Variants in CORO7 observed in about 807,000 individuals in gnomAD.
CORO7 encodes coronin-7.
A neutral mutation model predicts 126.6 loss-of-function variants in CORO7; 107 were observed. The observed-to-expected ratio is 0.85, with a 90% CI of 0.72 to 0.99. The LOEUF is 0.99. Ranked by LOEUF, CORO7 falls within the 50% of genes least tolerant of loss-of-function variation. The pLI is 0.00. For missense variants in CORO7, 1,314 were observed against 1,255.8 expected, an observed-to-expected ratio of 1.05 and a Z score of -0.70; for synonymous variants, 603 against 536.8, an observed-to-expected ratio of 1.12 and a Z score of -1.70.
At chr16:4,410,393 C>G (rs997889479) in intron 3 of CORO7, among the ~76,000 whole-genome samples, 2 of 152,150 alleles carry the variant, frequency 1.3e-5, no homozygotes, top group African/African-American at 4.8e-5. Flanking sequence ...CCACCACACT[C>G]CAGCCTGGAT....
intron 9 of CORO7, among the ~76,000 whole-genome samples, chr16:4,380,218 G>T (rs2054903962): frequency 6.6e-6 from 1 of 152,132 alleles, no homozygotes; most frequent in African/African-American, 2.4e-5. Context: ...CTCCCTCACA[G>T]GGGACACCTG....
chr16:4,381,887 G>A lies in CORO7; in HGVS notation c.785+6099C>T, dbSNP rs752532211. On this transcript the variant is annotated intron_variant, in intron 9 of 27. Transcript: ENST00000251166. The stretch of plus-strand genomic sequence containing the variant: ...CACTTCCCGCCCAAGAACGCTGGCC[G>A]GCTGCTCCTGGAGCTTGACTACGCC... 1.7e-5 allele frequency: 27 copies of A among 1,604,878 alleles called. No homozygotes were observed. The highest frequency in any genetic ancestry group is 4.0e-5 in the African/African-American group (3 of 74,908).
intron 23 of CORO7, chr16:4,358,841 A>G (rs1185696080): frequency 3.5e-6 from 1 of 286,582 alleles, no homozygotes; most frequent in Non-Finnish European, 6.5e-6. Flanking sequence ...AAATTGGATA[A>G]ATTAATTAGA....
intron 3 of CORO7, among the ~76,000 whole-genome samples, chr16:4,410,759 C>T (rs548692654): frequency 2.0e-4 from 30 of 152,268 alleles, no homozygotes; most frequent in South Asian, 2.1e-4. Flanking sequence ...AAGGGCAAGG[C>T]GGTAAATATT....
At chr16:4,395,709 T>A (rs1259598461) in intron 6 of CORO7, among the ~76,000 whole-genome samples, 2 of 151,912 alleles carry the variant, frequency 1.3e-5, no homozygotes, top group African/African-American at 4.8e-5. Flanking sequence ...CAAACGGAGG[T>A]CCAGAACCAA....
chr16:4,382,328 T>C (rs1281377048), intron 9 of CORO7: 2 of 1,611,266 alleles, frequency 1.2e-6, no homozygotes, highest in Admixed American at 1.7e-5. Context: ...CAGCGCTACC[T>C]CCAGGGGAGC....
At chr16:4,386,498 G>T (rs1203833133) in intron 9 of CORO7, among the ~76,000 whole-genome samples, 1 of 152,208 alleles carries the variant, frequency 6.6e-6, no homozygotes, top group Non-Finnish European at 1.5e-5. Context: ...TAGAAGACAA[G>T]ATGCCAGGCA....
intron 23 of CORO7, chr16:4,358,713 A>G: frequency 4.6e-6 from 2 of 431,776 alleles, no homozygotes; most frequent in Non-Finnish European, 8.2e-6. Flanking sequence ...GGCAGCTTCT[A>G]CGTGCCACCT....
In CORO7 at chr16:4,360,295, C is replaced by G. The variant is rs1355494047; in HGVS notation, c.2091G>C (p.Leu697=). 1 of 1,613,614 alleles carries G rather than the reference C, an allele frequency of 6.2e-7. No individual in the cohort carries two copies. Among genetic ancestry groups the G allele is most frequent in the Non-Finnish European group, 8.5e-7 (1 of 1,179,998 alleles). The change falls in exon 21 of 28, where the codon CTG becomes CTC. Residue 697 remains leucine, a synonymous_variant. Coordinates refer to ENST00000251166, the MANE Select transcript of CORO7 (RefSeq NM_024535.5). The part of the protein sequence containing the change: ...IVWVCDGRCL[L]VSGFDSQSER... ...GTCCTCACCTGTCAAAGCCAGACAC[C>G]AGCAGACAGCGACCATCACATACCC...
rs981411018 is a variant in CORO7 at position 4,410,748 on chromosome 16, G to A, written c.232+1608C>T. On this transcript the variant is annotated intron_variant, in intron 3 of 27. Coordinates refer to ENST00000251166, the MANE Select transcript of CORO7 (RefSeq NM_024535.5). ...GGAGAGGCCAGTAAACGTCTCCTGCGAAGGGCAAGGCGGTAAATATTCTAG... is the reference window on the plus strand; with the variant it reads ...GGAGAGGCCAGTAAACGTCTCCTGCAAAGGGCAAGGCGGTAAATATTCTAG... Among the ~76,000 whole-genome samples the A allele has an allele frequency of 5.3e-5, 8 of 152,200 alleles. No individual in the cohort carries two copies. The East Asian group carries it at 5.8e-4, about 11-fold the overall frequency.
intron 9 of CORO7, chr16:4,383,583 G>A (rs1363667033): frequency 7.0e-6 from 1 of 142,864 alleles, no homozygotes; most frequent in Non-Finnish European, 1.7e-5. Flanking sequence ...AAGAAGGAGT[G>A]GCCCTCGCTC....
intron 9 of CORO7, among the ~76,000 whole-genome samples, chr16:4,375,939 T>G (rs1256367895): frequency 6.6e-6 from 1 of 152,250 alleles, no homozygotes; most frequent in African/African-American, 2.4e-5. Flanking sequence ...CTTGCTTGGA[T>G]GAGGTCACAA....
At position 4,388,290 on chromosome 16, in the gene CORO7, C is replaced by T. The variant is rs142865843; in HGVS notation, c.703-222G>A. Among the ~76,000 whole-genome samples, 342 of 152,310 alleles carry T rather than the reference C, an allele frequency of 2.2e-3. 3 individuals carry two copies. The highest frequency in any genetic ancestry group is 8.0e-3 in the African/African-American group (332 of 41,566). On this transcript the variant is annotated intron_variant, in intron 8 of 27. Transcript: ENST00000251166. ...GGTGACAAAGGATGAGGGGCGGTTCCCTCTGTGTTCTCGGGTCCCTGTAGG... is the reference window on the plus strand; with the variant it reads ...GGTGACAAAGGATGAGGGGCGGTTCTCTCTGTGTTCTCGGGTCCCTGTAGG...
At chr16:4,370,660 C>T (rs1394646006) in intron 9 of CORO7, among the ~76,000 whole-genome samples, 2 of 152,214 alleles carry the variant, frequency 1.3e-5, no homozygotes, top group Admixed American at 6.5e-5. Context: ...GCCCTGTGGA[C>T]GGGAGGTCCA....
intron 6 of CORO7, among the ~76,000 whole-genome samples, chr16:4,403,862 C>T (rs34308889): frequency 6.6e-6 from 1 of 152,202 alleles, no homozygotes; most frequent in African/African-American, 2.4e-5. Context: ...TCCCCTCTGC[C>T]TGGGACGCCC....
rs144503450 is a variant in CORO7 at position 4,404,813 on chromosome 16, G to A, written c.564+678C>T. Among the ~76,000 whole-genome samples, 11 of 152,148 alleles carry A rather than the reference G, an allele frequency of 7.2e-5. No individual in the cohort carries two copies. The East Asian group carries it at 2.1e-3, about 29-fold the overall frequency. ...CCCGCAGGCTGCCACGCATCCCCCT[G>A]TAGACACTGCCCCTCCTGCCACACA... On this transcript the variant is annotated intron_variant, in intron 6 of 27. Coordinates refer to ENST00000251166, the MANE Select transcript of CORO7 (RefSeq NM_024535.5).
intron 6 of CORO7, among the ~76,000 whole-genome samples, chr16:4,398,264 C>T (rs751124857): frequency 3.3e-5 from 5 of 152,202 alleles, no homozygotes; most frequent in South Asian, 2.1e-4. Context: ...GGCCAAAAAG[C>T]GTATGAAAAT....
intron 10 of CORO7, among the ~76,000 whole-genome samples, 197 bp downstream of exon 10, chr16:4,365,294 G>A (rs891881251): frequency 2.0e-5 from 3 of 152,206 alleles, no homozygotes; most frequent in African/African-American, 7.2e-5. Context: ...TATTTATGGA[G>A]TGCTGACTGT....
In CORO7 at chr16:4,358,076, G is replaced by A; in HGVS notation, c.2485C>T (p.Pro829Ser). 6.2e-7 allele frequency: 1 copy of A among 1,612,798 alleles called. No homozygotes were observed. Among genetic ancestry groups the A allele is most frequent in the Non-Finnish European group, 8.5e-7 (1 of 1,179,136 alleles). Residue 829 changes from proline (P) to serine (S), a missense_variant, in exon 25 of 28, where the codon CCA becomes TCA. By Grantham distance (74) the Pro-to-Ser change is moderately conservative. Transcript: ENST00000251166. ...RKEFFQDDVF[P>S]DTAVIWEPVL... ...GGCTCCCAGATCACAGCCGTGTCTG[G>A]GAACACGTCATCCTGGAAGAACTCT...
Sources: allele counts gnomAD v4.1 joint callset (sites outside exome capture counted in the v4.1 genomes callset), GRCh38; gene constraint gnomAD v4.1.1; transcripts MANE v1.5; gene names NCBI Gene and HGNC (gene_info 2026-07-23, HGNC 2026-07-21).